The following KCNQ5 variants were observed in gnomAD, a reference collection of about 807,000 sequenced individuals.
KCNQ5 encodes the protein potassium voltage-gated channel subfamily KQT member 5.
Under a neutral mutation model 98.2 loss-of-function variants are expected in KCNQ5, and 30 were observed. That is an observed-to-expected ratio of 0.31 (90% CI 0.23 to 0.41). The LOEUF is 0.41. Ranked by LOEUF, KCNQ5 falls within the 10% of genes least tolerant of loss-of-function variation. The pLI, the probability that KCNQ5 is intolerant of heterozygous loss-of-function variation, is 1.00. For synonymous variants in KCNQ5, 458 were observed against 449.4 expected (o/e 1.02, Z -0.24); for missense variants, 835 against 1,182.5 (o/e 0.71, Z 4.31).
chr6:73,141,994 G>T (rs1562203394), intron 10 of KCNQ5, among the ~76,000 whole-genome samples: 3 of 152,188 alleles, frequency 2.0e-5, no homozygotes, highest in South Asian at 2.1e-4. Flanking sequence ...GGCTGGAGAT[G>T]CTGGGAGAGG....
rs114244597 is a variant in KCNQ5, at chr6:73,144,347, A to G, written c.1468+10706A>G. On this transcript the variant is annotated intron_variant, in intron 10 of 13. Transcript: ENST00000370398. ...GCATAACAACAATTTCTGAACTCCA[A>G]AAGCATAGAAACCTCAGAATAACAT... Among the ~76,000 whole-genome samples the G allele has an allele frequency of 2.3e-3, 353 of 152,330 alleles. 1 individual carries two copies. Among genetic ancestry groups the G allele is most frequent in the African/African-American group, 7.9e-3 (327 of 41,576 alleles).
chr6:72,924,890 C>A (rs1203986710), intron 1 of KCNQ5, among the ~76,000 whole-genome samples: 1 of 151,910 alleles, frequency 6.6e-6, no homozygotes, highest in Non-Finnish European at 1.5e-5. Context: ...CCTTTTGTTC[C>A]CTAAAAAAAT....
chr6:73,010,872 A>G (rs1770034803), intron 2 of KCNQ5, among the ~76,000 whole-genome samples: 1 of 152,094 alleles, frequency 6.6e-6, no homozygotes, highest in Admixed American at 6.6e-5. Context: ...AAATAAATTA[A>G]TAAGACATAA....
At chr6:73,163,122 G>A (rs560472985) in intron 10 of KCNQ5, among the ~76,000 whole-genome samples, 1 of 152,166 alleles carries the variant, frequency 6.6e-6, no homozygotes, top group Non-Finnish European at 1.5e-5. Context: ...AGACTCAGTG[G>A]CTCACACCTG....
chr6:72,870,185 C>T (rs12526205), intron 1 of KCNQ5, among the ~76,000 whole-genome samples: 40,631 of 152,034 alleles, frequency 0.27, 5,614 homozygotes, highest in Non-Finnish European at 0.29. Context: ...TTTGTCATGA[C>T]TGCAATGACA....
chr6:73,114,231 A>T (rs1418499410), intron 7 of KCNQ5, among the ~76,000 whole-genome samples: 1 of 152,200 alleles, frequency 6.6e-6, no homozygotes, highest in African/African-American at 2.4e-5. Flanking sequence ...AGCAAACTTC[A>T]TTTAATCATC....
At chr6:72,653,009 CACAG>C (rs917872974) in intron 1 of KCNQ5, among the ~76,000 whole-genome samples, 3 of 152,080 alleles carry the variant, frequency 2.0e-5, no homozygotes, top group African/African-American at 4.8e-5. Context: ...ACCATTTATT[CACAG>C]ACAATCACAG....
At chr6:73,134,850 A>G (rs1172114474) in intron 10 of KCNQ5, 1 of 152,260 alleles carries the variant, frequency 6.6e-6, no homozygotes, top group African/African-American at 2.4e-5. Flanking sequence ...TCCTCCATCG[A>G]GCCACTTGCA....
intron 1 of KCNQ5, among the ~76,000 whole-genome samples, chr6:72,826,761 A>C (rs896332968): frequency 6.6e-6 from 1 of 152,172 alleles, no homozygotes; most frequent in Non-Finnish European, 1.5e-5. Context: ...TTGAAACAAT[A>C]TAATACATTA....
At chr6:73,091,144 A>G (rs1774229263) in intron 5 of KCNQ5, among the ~76,000 whole-genome samples, 1 of 152,196 alleles carries the variant, frequency 6.6e-6, no homozygotes, top group African/African-American at 2.4e-5. Context: ...ATACAGCCAT[A>G]AAAAAGGATG....
intron 1 of KCNQ5, among the ~76,000 whole-genome samples, chr6:72,674,188 A>G (rs549327372): frequency 6.6e-6 from 1 of 152,170 alleles, no homozygotes; most frequent in African/African-American, 2.4e-5. Context: ...CTATCTGTCT[A>G]TCTATCTGTC....
At chr6:72,664,698 A>G (rs1317664255) in intron 1 of KCNQ5, among the ~76,000 whole-genome samples, 1 of 151,734 alleles carries the variant, frequency 6.6e-6, no homozygotes, top group Non-Finnish European at 1.5e-5. Context: ...CAAACAAAAA[A>G]CACAAAAGCT....
At chr6:72,887,397 C>T (rs1778887784) in intron 1 of KCNQ5, among the ~76,000 whole-genome samples, 1 of 152,006 alleles carries the variant, frequency 6.6e-6, no homozygotes, top group South Asian at 2.1e-4. Flanking sequence ...AGACCCACCC[C>T]CATAATTCAA....
intron 1 of KCNQ5, among the ~76,000 whole-genome samples, chr6:72,984,851 C>T (rs563781456): frequency 6.6e-6 from 1 of 152,144 alleles, no homozygotes; most frequent in Non-Finnish European, 1.5e-5. Flanking sequence ...TGGAACCAAT[C>T]CCAACAATTT....
intron 1 of KCNQ5, among the ~76,000 whole-genome samples, chr6:72,680,200 A>G (rs1190589594): frequency 6.6e-6 from 1 of 151,852 alleles, no homozygotes; most frequent in South Asian, 2.1e-4. Context: ...CCCTACCACC[A>G]CCCCTTTCCT....
intron 1 of KCNQ5, among the ~76,000 whole-genome samples, chr6:72,936,290 A>T (rs1765913130): frequency 6.6e-6 from 1 of 152,176 alleles, no homozygotes; most frequent in African/African-American, 2.4e-5. Flanking sequence ...CACTATCAGA[A>T]ATTTTTACTC....
chr6:72,880,159 T>C (rs1562043016), intron 1 of KCNQ5, among the ~76,000 whole-genome samples: 2 of 152,346 alleles, frequency 1.3e-5, no homozygotes, highest in East Asian at 1.9e-4. Flanking sequence ...AAAGAACTTA[T>C]CTCCAAAAAA....
intron 1 of KCNQ5, among the ~76,000 whole-genome samples, chr6:72,676,352 A>C (rs1382520531): frequency 3.9e-5 from 6 of 152,196 alleles, no homozygotes; most frequent in Non-Finnish European, 5.9e-5. Context: ...AAAGCAGCAG[A>C]ATAAAATTTC....
chr6:72,931,738 C>A (rs1765701434), intron 1 of KCNQ5, among the ~76,000 whole-genome samples: 1 of 152,118 alleles, frequency 6.6e-6, no homozygotes, highest in African/African-American at 2.4e-5. Flanking sequence ...GGCATTTAGA[C>A]ACCCAGGGCC....
Sources: allele counts gnomAD v4.1 joint callset (sites outside exome capture counted in the v4.1 genomes callset), GRCh38; gene constraint gnomAD v4.1.1; transcripts MANE v1.5; gene names NCBI Gene and HGNC (gene_info 2026-07-23, HGNC 2026-07-21).